LRTM1: variants seen among roughly 807,000 people sequenced by gnomAD.
LRTM1 encodes the protein leucine rich repeat transmembrane protein 1.
In LRTM1, 38 loss-of-function variants were observed where a neutral mutation model predicts 32.4. The observed-to-expected ratio is 1.17, with a 90% CI of 0.91 to 1.54. LRTM1 has a LOEUF of 1.54. Ranked by LOEUF, LRTM1 falls within the 40% of genes most tolerant of loss-of-function variation. The pLI, the probability that LRTM1 is intolerant of heterozygous loss-of-function variation, is 0.00. For missense variants in LRTM1, 466 were observed against 415.4 expected, an observed-to-expected ratio of 1.12 and a Z score of -1.06; for synonymous variants, 186 against 169.9, an observed-to-expected ratio of 1.09 and a Z score of -0.74.
Position 54,948,343 on chromosome 3 carries a change from T to C in LRTM1, c.-222+18585A>G, listed in dbSNP as rs183442846. Among the ~76,000 whole-genome samples the C allele has an allele frequency of 2.9e-3, 438 of 152,274 alleles. 4 individuals are homozygous for C. Among genetic ancestry groups the C allele is most frequent in the Non-Finnish European group, 4.7e-3 (323 of 68,016 alleles). On this transcript the variant is annotated intron_variant, in intron 1 of 2. Transcript: ENST00000493075. The stretch of plus-strand genomic sequence containing the variant: ...CTGACCTCAGTAAAAACTGGAAGAT[T>C]CTTGATAATTGTCATTAGAAAAAAA...
intron 1 of LRTM1, among the ~76,000 whole-genome samples, chr3:54,944,792 A>T (rs1245697710): frequency 6.7e-6 from 1 of 150,192 alleles, no homozygotes; most frequent in Non-Finnish European, 1.5e-5. Context: ...CTCTGAATAT[A>T]TTGACTGTAG....
upstream of LRTM1, among the ~76,000 whole-genome samples, chr3:54,932,937 G>T (rs114440975): frequency 0.01 from 1,576 of 152,306 alleles, 36 homozygotes; most frequent in African/African-American, 0.036. Flanking sequence ...GAGGCATGTG[G>T]ATAATAGTGA....
At chr3:54,940,235 T>C (rs755188063) in intron 1 of LRTM1, among the ~76,000 whole-genome samples, 1 of 152,206 alleles carries the variant, frequency 6.6e-6, no homozygotes, top group Non-Finnish European at 1.5e-5. Context: ...GATGGGTAGC[T>C]CTTGGAAGAC....
At chr3:54,952,155 T>C (rs1053164447) in intron 1 of LRTM1, among the ~76,000 whole-genome samples, 1 of 152,240 alleles carries the variant, frequency 6.6e-6, no homozygotes, top group Non-Finnish European at 1.5e-5. Flanking sequence ...TGGCCAGCTG[T>C]GTTTATAAAC....
At chr3:54,945,784 G>C (rs1701597520) in intron 1 of LRTM1, among the ~76,000 whole-genome samples, 1 of 152,170 alleles carries the variant, frequency 6.6e-6, no homozygotes, top group African/African-American at 2.4e-5. Context: ...TGTATGTTGG[G>C]AATCAGGCAG....
chr3:54,955,794 A>G (rs906319614), intron 1 of LRTM1, among the ~76,000 whole-genome samples: 33 of 152,176 alleles, frequency 2.2e-4, no homozygotes, highest in African/African-American at 7.5e-4. Context: ...ATCAGATGGG[A>G]AAGTGCCAGC....
At chr3:54,956,391 T>G (rs772082429) in intron 1 of LRTM1, among the ~76,000 whole-genome samples, 5 of 152,256 alleles carry the variant, frequency 3.3e-5, no homozygotes, top group Non-Finnish European at 7.3e-5. Flanking sequence ...TTTTGCTGTG[T>G]CAGGCTATCC....
rs76662606 is a variant in LRTM1, at chr3:54,918,385, C to T, written c.*74G>A. The stretch of plus-strand genomic sequence containing the variant: ...TTTGGCAAAAGCAAAATCAGACTAA[C>T]AGGAAACACATCAGCCCTACTCAGA... On this transcript the variant is annotated 3_prime_UTR_variant, in exon 3 of 3. Transcript: ENST00000273286. The T allele has an allele frequency of 1.4e-3, 755 of 550,402 alleles. 2 individuals are homozygous for T. The African/African-American group carries it at 0.017, about 13-fold the overall frequency. 34.1% of individuals were successfully genotyped at this position (550,402 alleles called of 1,614,324 possible).
At chr3:54,938,115 C>G (rs1213229049) in intron 1 of LRTM1, among the ~76,000 whole-genome samples, 1 of 152,208 alleles carries the variant, frequency 6.6e-6, no homozygotes, top group Non-Finnish European at 1.5e-5. Context: ...CAAATCCTTT[C>G]TGCATGTGTC....
Position 54,927,955 on chromosome 3 carries a change from T to C in LRTM1, c.-44A>G, listed in dbSNP as rs764447650. The C allele has an allele frequency of 2.5e-6, 4 of 1,603,506 alleles. No individual in the cohort carries two copies. The highest frequency in any genetic ancestry group is 1.1e-5 in the South Asian group (1 of 90,810). Reference sequence around the variant, plus strand: ...GTCCTTGCTGACCTCGTAGACCCTTTAATTAATGTGCAGAGCAACACACGA... The same window carrying C: ...GTCCTTGCTGACCTCGTAGACCCTTCAATTAATGTGCAGAGCAACACACGA... On this transcript the variant is annotated 5_prime_UTR_variant, in exon 1 of 3. Coordinates refer to ENST00000273286, the MANE Select transcript of LRTM1 (RefSeq NM_020678.4).
In LRTM1 at chr3:54,927,924, T is replaced by C; in HGVS notation, c.-13A>G. 2 of 1,613,628 alleles carry C rather than the reference T, an allele frequency of 1.2e-6. No homozygotes were observed. Among genetic ancestry groups the C allele is most frequent in the Non-Finnish European group, 1.7e-6 (2 of 1,179,620 alleles). On this transcript the variant is annotated 5_prime_UTR_variant, in exon 1 of 3. Coordinates refer to ENST00000273286, the MANE Select transcript of LRTM1 (RefSeq NM_020678.4). ...GCTCACCTTTCATGACTGAGTCTCC[T>C]TGGGCGTCCTTGCTGACCTCGTAGA...
chr3:54,927,336 C>T (rs1293549974), intron 1 of LRTM1, among the ~76,000 whole-genome samples: 1 of 152,166 alleles, frequency 6.6e-6, no homozygotes, highest in Admixed American at 6.5e-5. Context: ...GTCCCCTTCC[C>T]CTTTCCAGAA....
rs943979995 is a variant in LRTM1 at position 54,918,761 on chromosome 3, A to C, written c.736T>G (p.Trp246Gly). 6.2e-7 allele frequency: 1 copy of C among 1,614,066 alleles called. No individual in the cohort carries two copies. The highest frequency in any genetic ancestry group is 8.5e-7 in the Non-Finnish European group (1 of 1,180,034). Residue 246 changes from tryptophan to glycine, a missense_variant, in exon 3 of 3, where the codon TGG becomes GGG. Physicochemically the swap from Trp to Gly is radical, Grantham distance 184. Coordinates refer to ENST00000273286, the MANE Select transcript of LRTM1 (RefSeq NM_020678.4). ...APDPVSSQAQWPGSAHGVVLR... is the reference protein window; with the variant it reads ...APDPVSSQAQGPGSAHGVVLR... ...ACCACACCGTGGGCAGAGCCGGGCCACTGAGCCTGCGAGGACACTGGATCA... is the reference window on the plus strand; with the variant it reads ...ACCACACCGTGGGCAGAGCCGGGCCCCTGAGCCTGCGAGGACACTGGATCA...
At chr3:54,963,838 G>T (rs1381013663) in intron 1 of LRTM1, among the ~76,000 whole-genome samples, 1 of 152,196 alleles carries the variant, frequency 6.6e-6, no homozygotes, top group African/African-American at 2.4e-5. Context: ...AAACATGGGA[G>T]AAAGGAATGG....
At chr3:54,950,094 G>A (rs777201121) in intron 1 of LRTM1, among the ~76,000 whole-genome samples, 10 of 152,232 alleles carry the variant, frequency 6.6e-5, no homozygotes, top group Non-Finnish European at 1.2e-4. Flanking sequence ...AAAAAAGGGC[G>A]AAGTCTTTTT....
At chr3:54,959,531 T>A (rs1382906938) in intron 1 of LRTM1, among the ~76,000 whole-genome samples, 1 of 152,084 alleles carries the variant, frequency 6.6e-6, no homozygotes, top group Non-Finnish European at 1.5e-5. Context: ...TATTATTGGT[T>A]TGGAAATGTT....
intron 1 of LRTM1, among the ~76,000 whole-genome samples, chr3:54,965,012 C>T (rs537123893): frequency 1.2e-4 from 19 of 152,142 alleles, no homozygotes; most frequent in African/African-American, 4.3e-4. Context: ...CCTGCCACTT[C>T]GATACTAAAG....
chr3:54,959,244 G>C (rs61454541), intron 1 of LRTM1, among the ~76,000 whole-genome samples: 1 of 152,130 alleles, frequency 6.6e-6, no homozygotes, highest in East Asian at 1.9e-4. Context: ...GCGGCACAGG[G>C]TGGTGTTCAG....
chr3:54,960,418 C>A (rs1055721768), intron 1 of LRTM1, among the ~76,000 whole-genome samples: 5 of 152,138 alleles, frequency 3.3e-5, no homozygotes, highest in African/African-American at 1.2e-4. Context: ...ATACCTCCTC[C>A]CCTTTTATCA....
Sources: allele counts gnomAD v4.1 joint callset (sites outside exome capture counted in the v4.1 genomes callset), GRCh38; gene constraint gnomAD v4.1.1; transcripts MANE v1.5; gene names NCBI Gene and HGNC (gene_info 2026-07-23, HGNC 2026-07-21).